SMAGP: variants seen among roughly 807,000 people sequenced by gnomAD.
The protein encoded by SMAGP is small cell adhesion glycoprotein, also known as small cell transmembrane and glycosylated protein.
A neutral mutation model predicts 10.1 loss-of-function variants in SMAGP; 7 were observed. That is an observed-to-expected ratio of 0.70 (90% CI 0.40 to 1.31). SMAGP has a LOEUF of 1.31. SMAGP is among the 50% of genes most tolerant of loss of function. SMAGP has a pLI of 0.01. For synonymous variants in SMAGP, 49 were observed against 47.2 expected, an observed-to-expected ratio of 1.04 and a Z score of -0.16; for missense variants, 113 against 116.5, an observed-to-expected ratio of 0.97 and a Z score of 0.14.
chr12:51,253,281 A>T (rs1944857299), intron 2 of SMAGP, among the ~76,000 whole-genome samples: 1 of 152,198 alleles, frequency 6.6e-6, no homozygotes, highest in Non-Finnish European at 1.5e-5. Flanking sequence ...GAATTTACTG[A>T]GTGTGTACTC....
At chr12:51,269,933 C>CCG (rs1341529526) in intron 1 of SMAGP, 2 of 152,080 alleles carry the variant, frequency 1.3e-5, no homozygotes, top group African/African-American at 4.8e-5. Context: ...GGGCCCCAGC[C>CCG]CGCGCCCCGC....
At chr12:51,265,192 T>C (rs1187767685) in intron 2 of SMAGP, among the ~76,000 whole-genome samples, 1 of 152,132 alleles carries the variant, frequency 6.6e-6, no homozygotes, top group Non-Finnish European at 1.5e-5. Context: ...CACAATATGA[T>C]GACTACCATT....
intron 2 of SMAGP, among the ~76,000 whole-genome samples, chr12:51,267,155 C>G (rs140053332): frequency 6.6e-6 from 1 of 152,128 alleles, no homozygotes; most frequent in East Asian, 1.9e-4. Flanking sequence ...GTAAACAGCT[C>G]CCCCTTGCCA....
chr12:51,253,224 G>A (rs1452920541), intron 2 of SMAGP, among the ~76,000 whole-genome samples: 2 of 152,144 alleles, frequency 1.3e-5, no homozygotes, highest in Non-Finnish European at 2.9e-5. Flanking sequence ...TTCTTAGACT[G>A]AGATTCCAGG....
At chr12:51,262,200 C>T in intron 2 of SMAGP, among the ~76,000 whole-genome samples, 1 of 152,112 alleles carries the variant, frequency 6.6e-6, no homozygotes, top group East Asian at 1.9e-4. Context: ...AAAGAACATG[C>T]TTGGCAAGGT....
intron 2 of SMAGP, among the ~76,000 whole-genome samples, chr12:51,248,431 CACACTCTCTCTCT>C (rs1944803178): frequency 2.5e-5 from 1 of 40,632 alleles, no homozygotes; most frequent in South Asian, 1.0e-3. Flanking sequence ...CACACACACA[CACACTCTCTCTCT>C]CTCTCTCTCT....
chr12:51,247,328 TCTTA>T (rs534400392), intron 2 of SMAGP, among the ~76,000 whole-genome samples: 9 of 152,350 alleles, frequency 5.9e-5, no homozygotes, highest in East Asian at 3.9e-4. Context: ...CTTGCAGCAT[TCTTA>T]CTAATTCTTT....
intron 3 of SMAGP, chr12:51,246,323 A>G: frequency 1.5e-6 from 1 of 654,478 alleles, no homozygotes; most frequent in Non-Finnish European, 2.5e-6. Context: ...TGCTTAAGCT[A>G]AGGACACATG....
intron 2 of SMAGP, among the ~76,000 whole-genome samples, chr12:51,264,119 CT>C (rs1379751565): frequency 6.6e-6 from 1 of 152,024 alleles, no homozygotes; most frequent in Non-Finnish European, 1.5e-5. Flanking sequence ...TCTTTATAGA[CT>C]GTGAGGGAGG....
intron 2 of SMAGP, among the ~76,000 whole-genome samples, chr12:51,248,900 CAAAAAAAAAAAAAAA>C (rs545881552): frequency 1.1e-3 from 102 of 95,628 alleles, no homozygotes; most frequent in African/African-American, 3.5e-3. Flanking sequence ...AAAAATACCA[CAAAAAAAAAAAAAAA>C]AAAAAAAAAA....
At chr12:51,261,312 G>C (rs1384821982) in intron 2 of SMAGP, among the ~76,000 whole-genome samples, 2 of 151,816 alleles carry the variant, frequency 1.3e-5, no homozygotes, top group Non-Finnish European at 2.9e-5. Context: ...GGCCAGGCTG[G>C]TCTCGAACTC....
chr12:51,268,713 A>G (rs1025576072), intron 2 of SMAGP, among the ~76,000 whole-genome samples: 3 of 150,896 alleles, frequency 2.0e-5, no homozygotes, highest in African/African-American at 7.3e-5. Flanking sequence ...CCTCCTGAGT[A>G]GTTGGGATTA....
intron 2 of SMAGP, among the ~76,000 whole-genome samples, chr12:51,258,894 C>A (rs1019984640): frequency 6.7e-6 from 1 of 150,326 alleles, no homozygotes; most frequent in Admixed American, 6.7e-5. Context: ...TGCCTGTAAT[C>A]CCAACAATTT....
chr12:51,268,037 A>G (rs1002846094), intron 2 of SMAGP, among the ~76,000 whole-genome samples: 1 of 152,178 alleles, frequency 6.6e-6, no homozygotes, highest in Non-Finnish European at 1.5e-5. Context: ...CAGTCAATAA[A>G]TAACTGATAG....
chr12:51,245,940 A>G lies in SMAGP; in HGVS notation c.*1T>C, dbSNP rs185079311. On this transcript the variant is annotated 3_prime_UTR_variant, in exon 4 of 4. Coordinates refer to ENST00000603798, the MANE Select transcript of SMAGP (RefSeq NM_001031628.2). ...ATAAGCTCCTTGGGGCCTGGGAGTCATTAGATGAAATATTCCTCTTTCTCG... is the reference window on the plus strand; with the variant it reads ...ATAAGCTCCTTGGGGCCTGGGAGTCGTTAGATGAAATATTCCTCTTTCTCG... 6.2e-7 allele frequency: 1 copy of G among 1,612,352 alleles called. No individual in the cohort carries two copies. The highest frequency in any genetic ancestry group is 2.2e-5 in the East Asian group (1 of 44,824).
chr12:51,267,288 C>G (rs546200511), intron 2 of SMAGP, among the ~76,000 whole-genome samples: 23 of 152,206 alleles, frequency 1.5e-4, no homozygotes, highest in Non-Finnish European at 2.8e-4. Flanking sequence ...GTCTCTGTAG[C>G]TTCACACATG....
intron 2 of SMAGP, among the ~76,000 whole-genome samples, chr12:51,256,846 A>T (rs1207766406): frequency 6.6e-6 from 1 of 151,940 alleles, no homozygotes; most frequent in Non-Finnish European, 1.5e-5. Flanking sequence ...GATATTTAAG[A>T]CCATAGACTG....
intron 3 of SMAGP, chr12:51,246,409 G>T: frequency 2.1e-6 from 1 of 470,134 alleles, no homozygotes; most frequent in East Asian, 3.4e-5. Flanking sequence ...GGAGGGAACA[G>T]GAAATGGCTT....
At chr12:51,250,508 TTTG>T (rs931583766) in intron 2 of SMAGP, among the ~76,000 whole-genome samples, 2 of 92,780 alleles carry the variant, frequency 2.2e-5, no homozygotes, top group South Asian at 7.2e-4. Flanking sequence ...GTGTTTTTTT[TTTG>T]TTTTTTTTTT....
Sources: allele counts gnomAD v4.1 joint callset (sites outside exome capture counted in the v4.1 genomes callset), GRCh38; gene constraint gnomAD v4.1.1; transcripts MANE v1.5; gene names NCBI Gene and HGNC (gene_info 2026-07-23, HGNC 2026-07-21).